The following NSL1 variants were observed in gnomAD, a reference collection of about 807,000 sequenced individuals.
The protein encoded by NSL1 is NSL1 component of MIS12 kinetochore complex.
NSL1 carries 11 observed loss-of-function variants against 25.4 expected under a neutral mutation model. The ratio of observed to expected loss-of-function variants is 0.43; its 90% CI spans 0.27 to 0.72. NSL1 has a LOEUF of 0.72. Ranked by LOEUF, NSL1 falls within the 30% of genes least tolerant of loss-of-function variation. The pLI, the probability that NSL1 is intolerant of heterozygous loss-of-function variation, is 0.19. For missense variants in NSL1, 330 were observed against 342.7 expected, an observed-to-expected ratio of 0.96 and a Z score of 0.29; for synonymous variants, 118 against 120.6, an observed-to-expected ratio of 0.98 and a Z score of 0.14.
At chr1:212,758,496 ATC>A (rs1659414569) in intron 4 of NSL1, among the ~76,000 whole-genome samples, 1 of 152,260 alleles carries the variant, frequency 6.6e-6, no homozygotes, top group Non-Finnish European at 1.5e-5. Context: ...AATTAATTCT[ATC>A]TCTACACAGT....
At position 212,742,720 on chromosome 1, in the gene NSL1, C is replaced by T. The variant is rs1052811451; in HGVS notation, c.500-3119G>A. 5.9e-5 allele frequency among the ~76,000 whole-genome samples: 9 copies of T among 152,258 alleles called. No individual in the cohort carries two copies. The East Asian group carries it at 1.7e-3, about 29-fold the overall frequency. ...AACTATAGAGATGATATGTGGCTGACCTCTGTAGTTAATCTGACTGACACT... is the reference window on the plus strand; with the variant it reads ...AACTATAGAGATGATATGTGGCTGATCTCTGTAGTTAATCTGACTGACACT... On this transcript the variant is annotated intron_variant, in intron 4 of 5. Coordinates refer to ENST00000366977, the MANE Select transcript of NSL1 (RefSeq NM_015471.4).
At chr1:212,772,680 A>G (rs562396383) in intron 4 of NSL1, among the ~76,000 whole-genome samples, 30 of 147,864 alleles carry the variant, frequency 2.0e-4, no homozygotes, top group African/African-American at 4.8e-4. Flanking sequence ...TTGTCTCAAA[A>G]AAAGAAAAAA....
intron 4 of NSL1, among the ~76,000 whole-genome samples, chr1:212,746,774 G>A (rs1157291264): frequency 6.6e-6 from 1 of 152,186 alleles, no homozygotes; most frequent in Non-Finnish European, 1.5e-5. Flanking sequence ...CTTCAAAATG[G>A]TTAAAATGGT....
chr1:212,790,783 C>T (rs939917658), intron 1 of NSL1, among the ~76,000 whole-genome samples: 1 of 151,900 alleles, frequency 6.6e-6, no homozygotes, highest in East Asian at 1.9e-4. Flanking sequence ...ATTAGCCGGG[C>T]GTGGTGGCAG....
chr1:212,780,769 T>C (rs926809613), intron 4 of NSL1, among the ~76,000 whole-genome samples: 2 of 152,190 alleles, frequency 1.3e-5, no homozygotes, highest in Non-Finnish European at 2.9e-5. Flanking sequence ...GGATGCAATT[T>C]ATAATAGGGT....
Position 212,727,262 on chromosome 1 carries a change from G to T in NSL1, c.*11146C>A. On this transcript the variant is annotated 3_prime_UTR_variant, in exon 6 of 6. Coordinates refer to ENST00000366977, the MANE Select transcript of NSL1 (RefSeq NM_015471.4). ...ATATGGCTTTCAAGACTTGCCTTGAGACTCAGAGCTGTTTCACAACCCTTT... is the reference window on the plus strand; with the variant it reads ...ATATGGCTTTCAAGACTTGCCTTGATACTCAGAGCTGTTTCACAACCCTTT... 2 of 1,370,718 alleles carry T rather than the reference G, an allele frequency of 1.5e-6. No individual in the cohort carries two copies. Among genetic ancestry groups the T allele is most frequent in the South Asian group, 3.7e-5 (2 of 54,570 alleles). The allele number at this position is 1,370,718 out of a possible 1,614,324, so 84.9% of individuals were successfully genotyped here. A position where few individuals can be genotyped will look rare whatever the true frequency, so the allele number is the denominator to read the frequency against.
chr1:212,740,860 T>C (rs1211280065), intron 4 of NSL1, among the ~76,000 whole-genome samples: 5 of 152,188 alleles, frequency 3.3e-5, no homozygotes, highest in East Asian at 3.8e-4. Context: ...AATAACAAAA[T>C]TGATGGCATA....
At chr1:212,752,723 C>T (rs1051045313) in intron 4 of NSL1, among the ~76,000 whole-genome samples, 2 of 152,038 alleles carry the variant, frequency 1.3e-5, no homozygotes, top group Non-Finnish European at 2.9e-5. Context: ...AGTTAGGCAT[C>T]CTTGAGAACA....
chr1:212,737,952 G>C lies in NSL1; in HGVS notation c.*456C>G, dbSNP rs1188888490. The C allele has an allele frequency of 1.0e-6, 1 of 984,924 alleles. No homozygotes were observed. The highest frequency in any genetic ancestry group is 1.2e-6 in the Non-Finnish European group (1 of 830,132). The allele number at this position is 984,924 out of a possible 1,614,324, so 61.0% of individuals were successfully genotyped here. ...AACTACATCTTTAAAAAAAAACCCT[G>C]CATCTGCTGCTGTGCAGAACTGATA... On this transcript the variant is annotated 3_prime_UTR_variant, in exon 6 of 6. Coordinates refer to ENST00000366977, the MANE Select transcript of NSL1 (RefSeq NM_015471.4).
At position 212,727,000 on chromosome 1, in the gene NSL1, G is replaced by T; in HGVS notation, c.*11408C>A. Reference sequence around the variant, plus strand: ...GCTTCCTGGCTGTGTCCTCTCAGAGGCCCTCCAGTCCAGTCTACTCCGGCC... The same window carrying T: ...GCTTCCTGGCTGTGTCCTCTCAGAGTCCCTCCAGTCCAGTCTACTCCGGCC... On this transcript the variant is annotated 3_prime_UTR_variant, in exon 6 of 6. Coordinates refer to ENST00000366977, the MANE Select transcript of NSL1 (RefSeq NM_015471.4). 3 of 974,536 alleles carry T rather than the reference G, an allele frequency of 3.1e-6. No individual in the cohort carries two copies. Among genetic ancestry groups the T allele is most frequent in the Non-Finnish European group, 4.4e-6 (3 of 674,700 alleles). The allele number at this position is 974,536 out of a possible 1,614,324, so 60.4% of individuals were successfully genotyped here.
intron 4 of NSL1, among the ~76,000 whole-genome samples, chr1:212,777,247 C>T (rs1660415522): frequency 6.6e-6 from 1 of 151,852 alleles, no homozygotes; most frequent in South Asian, 2.1e-4. Flanking sequence ...CATGGTGACA[C>T]ATGCCTGAAG....
intron 4 of NSL1, among the ~76,000 whole-genome samples, chr1:212,765,212 G>A (rs1439988706): frequency 6.6e-6 from 1 of 151,962 alleles, no homozygotes; most frequent in Admixed American, 6.6e-5. Flanking sequence ...CAGAAAAAGA[G>A]GAAATCCTCC....
intron 4 of NSL1, among the ~76,000 whole-genome samples, chr1:212,754,770 A>AAAAAAAAAAAAC (rs758081249): frequency 4.1e-5 from 2 of 48,984 alleles, no homozygotes; most frequent in Non-Finnish European, 1.0e-4. Flanking sequence ...ATTCTGTCTC[A>AAAAAAAAAAAAC]AAAAAAAAAA....
At chr1:212,777,736 T>G (rs113777525) in intron 4 of NSL1, among the ~76,000 whole-genome samples, 2,300 of 152,300 alleles carry the variant, frequency 0.015, 61 homozygotes, top group African/African-American at 0.053. Context: ...AAGTTTCAAC[T>G]ATATCTGAAC....
chr1:212,768,338 A>AC (rs1659930982), intron 4 of NSL1, among the ~76,000 whole-genome samples: 1 of 151,366 alleles, frequency 6.6e-6, no homozygotes, highest in Non-Finnish European at 1.5e-5. Context: ...AAAAAAAAAA[A>AC]AAAAAACTAA....
intron 3 of NSL1, 117 bp from the exon 4 acceptor site, chr1:212,782,543 A>AT (rs906032881): frequency 1.2e-5 from 9 of 771,736 alleles, no homozygotes; most frequent in Non-Finnish European, 1.8e-5. Context: ...AGGAAAAAAA[A>AT]TTAAATCCTA....
chr1:212,787,697 G>T, intron 1 of NSL1, 60 bp from the exon 2 acceptor site: 1 of 1,166,056 alleles, frequency 8.6e-7, no homozygotes, highest in Non-Finnish European at 1.2e-6. Flanking sequence ...AAATTCAAAC[G>T]TTTTAGCAAA....
chr1:212,727,483 C>T lies in NSL1; in HGVS notation c.*10925G>A, dbSNP rs986370497. On this transcript the variant is annotated 3_prime_UTR_variant, in exon 6 of 6. Coordinates refer to ENST00000366977, the MANE Select transcript of NSL1 (RefSeq NM_015471.4). Reference sequence around the variant, plus strand: ...AATTTCAAGCAGCAGTCAACTAAAACGATTCCTTTTGCAATTTAGGTTAAT... The same window carrying T: ...AATTTCAAGCAGCAGTCAACTAAAATGATTCCTTTTGCAATTTAGGTTAAT... The T allele has an allele frequency of 2.0e-5, 20 of 985,256 alleles. No individual in the cohort carries two copies. The South Asian group carries it at 3.8e-4, about 19-fold the overall frequency. 61.0% of individuals were successfully genotyped at this position (985,256 alleles called of 1,614,324 possible).
chr1:212,779,886 G>A (rs1418003940), intron 4 of NSL1, among the ~76,000 whole-genome samples: 1 of 124,964 alleles, frequency 8.0e-6, no homozygotes, highest in African/African-American at 3.1e-5. Context: ...AGGTGGGGGG[G>A]TCAGCCCCCC....
Sources: gnomAD v4.1 joint callset for allele counts (sites outside exome capture counted in the v4.1 genomes callset) on GRCh38, gnomAD v4.1.1 for gene constraint, MANE v1.5 for transcripts, NCBI Gene and HGNC (gene_info 2026-07-23, HGNC 2026-07-21) for gene names.